SOX5: variants seen among roughly 807,000 people sequenced by gnomAD.
SOX5 encodes transcription factor SOX-5.
SOX5 carries 9 observed loss-of-function variants against 92.0 expected under a neutral mutation model. The ratio of observed to expected loss-of-function variants is 0.10; its 90% CI spans 0.06 to 0.17. SOX5 has a LOEUF of 0.17. SOX5 is among the 10% of genes least tolerant of loss of function. The pLI is 1.00. For synonymous variants in SOX5, 344 were observed against 336.3 expected, an observed-to-expected ratio of 1.02 and a Z score of -0.25; for missense variants, 642 against 944.5, an observed-to-expected ratio of 0.68 and a Z score of 4.20.
chr12:24,192,514 T>C (rs1341544816), intron 4 of SOX5, among the ~76,000 whole-genome samples: 1 of 152,228 alleles, frequency 6.6e-6, no homozygotes, highest in Non-Finnish European at 1.5e-5. Context: ...TTTTATACAA[T>C]TTTATCTTTC....
chr12:23,728,388 A>G (rs1046908988), intron 6 of SOX5, among the ~76,000 whole-genome samples: 4 of 152,178 alleles, frequency 2.6e-5, no homozygotes, highest in African/African-American at 9.6e-5. Flanking sequence ...AAAAGAGACA[A>G]GGTTACTTTG....
chr12:24,244,476 C>G (rs1938202763), intron 3 of SOX5, among the ~76,000 whole-genome samples: 1 of 152,192 alleles, frequency 6.6e-6, no homozygotes, highest in Non-Finnish European at 1.5e-5. Flanking sequence ...TCTTTCCCCA[C>G]TCCTCACATA....
rs201041254 is a variant in SOX5, at chr12:24,007,667, GTATATAAATGTATTTA to G, written c.-1-111659_-1-111644del. ...TATAAATGTATTTATATATATAAAT[GTATATAAATGTATTTA>G]TATATAAATGTATATAAATGTATTT... On this transcript the variant is annotated intron_variant, in intron 4 of 4. Coordinates refer to the SOX5 transcript ENST00000446891. Among the ~76,000 whole-genome samples the G allele has an allele frequency of 4.1e-3, 8 of 1,934 alleles. 4 individuals carry two copies. The Non-Finnish European group carries it at 0.083, about 20-fold the overall frequency. 1.3% of individuals were successfully genotyped at this position (1,934 alleles called of 152,430 possible).
At chr12:24,505,462 T>C (rs1948625780) in intron 1 of SOX5, among the ~76,000 whole-genome samples, 1 of 152,246 alleles carries the variant, frequency 6.6e-6, no homozygotes, top group Non-Finnish European at 1.5e-5. Context: ...AGAGCCAGTA[T>C]GTGTTATGCT....
intron 6 of SOX5, among the ~76,000 whole-genome samples, chr12:23,702,357 A>G (rs1207778025): frequency 2.6e-5 from 4 of 152,082 alleles, no homozygotes; most frequent in Non-Finnish European, 5.9e-5. Flanking sequence ...CCCCAAAATT[A>G]TCAGCTAAAA....
intron 4 of SOX5, among the ~76,000 whole-genome samples, chr12:24,002,646 A>G (rs1157483498): frequency 1.4e-5 from 2 of 142,650 alleles, no homozygotes; most frequent in South Asian, 4.6e-4. Flanking sequence ...TATAGGGAGT[A>G]TGTTTAATAT....
chr12:23,904,610 G>C (rs1222640982), intron 1 of SOX5, among the ~76,000 whole-genome samples: 4 of 152,036 alleles, frequency 2.6e-5, no homozygotes, highest in Non-Finnish European at 5.9e-5. Flanking sequence ...AATATAATCT[G>C]AGTTTATACA....
At chr12:23,705,367 C>T (rs1186526729) in intron 6 of SOX5, among the ~76,000 whole-genome samples, 3 of 152,048 alleles carry the variant, frequency 2.0e-5, no homozygotes, top group African/African-American at 7.2e-5. Flanking sequence ...TACCTGTCAG[C>T]ACTAGTGATC....
intron 4 of SOX5, among the ~76,000 whole-genome samples, chr12:23,971,383 A>T (rs1344726702): frequency 6.6e-6 from 1 of 151,512 alleles, no homozygotes; most frequent in Non-Finnish European, 1.5e-5. Context: ...CAGCCTCCCA[A>T]AGTGCTGGGA....
intron 8 of SOX5, among the ~76,000 whole-genome samples, chr12:23,605,144 T>C (rs564749149): frequency 6.6e-6 from 1 of 152,214 alleles, no homozygotes; most frequent in South Asian, 2.1e-4. Flanking sequence ...CACAGACAAA[T>C]CTCAAATTAT....
intron 2 of SOX5, among the ~76,000 whole-genome samples, chr12:23,868,219 A>G (rs943731466): frequency 6.6e-6 from 1 of 152,108 alleles, no homozygotes; most frequent in East Asian, 1.9e-4. Context: ...TGTACATGCA[A>G]TGAACTGTTC....
intron 4 of SOX5, among the ~76,000 whole-genome samples, chr12:24,052,378 TACC>T (rs1957645834): frequency 1.3e-5 from 2 of 152,180 alleles, no homozygotes; most frequent in Non-Finnish European, 2.9e-5. Flanking sequence ...CTGCCTATAT[TACC>T]TTTAAAATAT....
At chr12:24,560,054 T>A (rs564972817) in intron 1 of SOX5, among the ~76,000 whole-genome samples, 67 of 152,286 alleles carry the variant, frequency 4.4e-4, no homozygotes, top group African/African-American at 1.5e-3. Flanking sequence ...CAAGTCTGTG[T>A]CAGATTGGAT....
chr12:24,327,166 A>T (rs139031688), intron 2 of SOX5, among the ~76,000 whole-genome samples: 24 of 152,262 alleles, frequency 1.6e-4, no homozygotes, highest in South Asian at 6.2e-4. Flanking sequence ...ATATTATATG[A>T]CTGCTCAGAA....
At chr12:23,605,201 T>G (rs1465265250) in intron 8 of SOX5, among the ~76,000 whole-genome samples, 2 of 152,152 alleles carry the variant, frequency 1.3e-5, no homozygotes, top group East Asian at 3.9e-4. Context: ...CACATATTCT[T>G]CCACTAAGCC....
intron 4 of SOX5, among the ~76,000 whole-genome samples, chr12:24,004,322 C>T: frequency 7.0e-6 from 1 of 143,440 alleles, no homozygotes; most frequent in East Asian, 2.1e-4. Flanking sequence ...AAAAAAAACA[C>T]AAGCATATGA....
chr12:23,835,136 G>C (rs1159462132), intron 3 of SOX5, among the ~76,000 whole-genome samples: 2 of 151,766 alleles, frequency 1.3e-5, no homozygotes. Flanking sequence ...GACACTGAGG[G>C]ATAGTCATCT....
At chr12:23,865,233 T>G (rs1247477202) in intron 2 of SOX5, among the ~76,000 whole-genome samples, 1 of 152,234 alleles carries the variant, frequency 6.6e-6, no homozygotes, top group African/African-American at 2.4e-5. Flanking sequence ...AAAATACTAC[T>G]GCTCATTGAC....
chr12:23,861,986 A>AT (rs1318419441), intron 2 of SOX5, among the ~76,000 whole-genome samples: 1 of 152,166 alleles, frequency 6.6e-6, no homozygotes, highest in Non-Finnish European at 1.5e-5. Context: ...TTAATTATAC[A>AT]TTTTTGGGTT....
Sources: allele counts gnomAD v4.1 joint callset (sites outside exome capture counted in the v4.1 genomes callset), GRCh38; gene constraint gnomAD v4.1.1; transcripts MANE v1.5; gene names NCBI Gene and HGNC (gene_info 2026-07-23, HGNC 2026-07-21).